PRKCZ: variants seen among roughly 807,000 people sequenced by gnomAD.
PRKCZ encodes the protein protein kinase C zeta type.
A neutral mutation model predicts 79.5 loss-of-function variants in PRKCZ; 33 were observed. The ratio of observed to expected loss-of-function variants is 0.41; its 90% CI spans 0.31 to 0.55. The LOEUF (loss-of-function observed/expected upper bound fraction) is 0.55, where lower values mean the gene tolerates loss of function less well. Ranked by LOEUF, PRKCZ falls within the 20% of genes least tolerant of loss-of-function variation. PRKCZ has a pLI of 0.19. For missense variants in PRKCZ, 578 were observed against 813.5 expected (o/e 0.71, Z 3.52); for synonymous variants, 342 against 320.9 (o/e 1.07, Z -0.70).
intron 4 of PRKCZ, among the ~76,000 whole-genome samples, chr1:2,084,924 G>A (rs1309944187): frequency 6.6e-6 from 1 of 152,090 alleles, no homozygotes; most frequent in African/African-American, 2.4e-5. Flanking sequence ...TGGGAGGATC[G>A]CCTGAGCCCA....
chr1:2,120,892 C>T (rs1176740412), intron 4 of PRKCZ, among the ~76,000 whole-genome samples: 1 of 145,590 alleles, frequency 6.9e-6, no homozygotes, highest in Non-Finnish European at 1.5e-5. Context: ...CGGCTCACTG[C>T]AACCTCCGCC....
chr1:2,074,214 G>A (rs1197781603), intron 4 of PRKCZ: 3 of 1,550,400 alleles, frequency 1.9e-6, no homozygotes, highest in Non-Finnish European at 2.6e-6. Flanking sequence ...ATAAGGCTGT[G>A]GAGGGACCTT....
chr1:2,051,566 G>A (rs573397617), intron 1 of PRKCZ, among the ~76,000 whole-genome samples: 69 of 152,358 alleles, frequency 4.5e-4, no homozygotes, highest in African/African-American at 1.6e-3. Context: ...GCGGGCTCCG[G>A]ACTTGCACTG....
chr1:2,049,157 C>T (rs555826549), upstream of PRKCZ: 1 of 152,364 alleles, frequency 6.6e-6, no homozygotes, highest in Admixed American at 6.5e-5. Context: ...AAGAGCGAAA[C>T]TCCATCTCAA....
intron 4 of PRKCZ, among the ~76,000 whole-genome samples, chr1:2,086,521 G>C (rs759978769): frequency 6.6e-6 from 1 of 152,194 alleles, no homozygotes; most frequent in Non-Finnish European, 1.5e-5. Context: ...ATCAGGTTTT[G>C]TGTGTTGCTC....
At chr1:2,100,903 G>C (rs991911041) in intron 4 of PRKCZ, among the ~76,000 whole-genome samples, 1 of 151,942 alleles carries the variant, frequency 6.6e-6, no homozygotes, top group Non-Finnish European at 1.5e-5. Flanking sequence ...GAGGGAGGCT[G>C]TCCCTATATG....
chr1:2,109,945 A>G (rs1001239385), intron 4 of PRKCZ, among the ~76,000 whole-genome samples: 6 of 152,178 alleles, frequency 3.9e-5, no homozygotes, highest in African/African-American at 1.4e-4. Context: ...TGGGGTGTTG[A>G]GGGAGACGTC....
intron 4 of PRKCZ, among the ~76,000 whole-genome samples, chr1:2,084,133 G>C (rs1201305930): frequency 6.6e-6 from 1 of 152,164 alleles, no homozygotes; most frequent in Non-Finnish European, 1.5e-5. Flanking sequence ...CTAGCTACTC[G>C]GGAGGCTGAG....
intron 4 of PRKCZ, among the ~76,000 whole-genome samples, chr1:2,070,251 A>G (rs1035107873): frequency 1.4e-4 from 21 of 152,002 alleles, no homozygotes; most frequent in African/African-American, 5.1e-4. Flanking sequence ...CCCTGGGGAA[A>G]GGTGTCCTAC....
At position 2,175,218 on chromosome 1, in the gene PRKCZ, C is replaced by T. The variant is rs755039122; in HGVS notation, c.1486-6C>T. On this transcript the variant is annotated splice_region_variant and splice_polypyrimidine_tract_variant and intron_variant, in intron 15 of 17. Transcript: ENST00000378567. ...GACTTGTCCTTGTTTGAACTCTGAC[C>T]TCCAGGACCCCAAAGAGAGGCTCGG... 2.5e-6 allele frequency: 4 copies of T among 1,613,102 alleles called. No homozygotes were observed. The highest frequency in any genetic ancestry group is 1.7e-5 in the Admixed American group (1 of 59,982).
intron 7 of PRKCZ, among the ~76,000 whole-genome samples, chr1:2,146,680 G>T (rs1202407900): frequency 6.6e-6 from 1 of 152,156 alleles, no homozygotes; most frequent in Non-Finnish European, 1.5e-5. Flanking sequence ...CCTCTGCACG[G>T]GGGTGTGAGA....
intron 5 of PRKCZ, among the ~76,000 whole-genome samples, chr1:2,136,860 C>T (rs1160207063): frequency 3.3e-5 from 5 of 152,142 alleles, no homozygotes; most frequent in Non-Finnish European, 5.9e-5. Context: ...ACTTGCTCTC[C>T]GGCAGTCTGG....
At chr1:2,123,424 T>G (rs183816139) in intron 4 of PRKCZ, among the ~76,000 whole-genome samples, 1 of 4,898 alleles carries the variant, frequency 2.0e-4, no homozygotes, top group Non-Finnish European at 2.9e-4. Flanking sequence ...TGGTTAGGGT[T>G]GTGGTGGTTA....
At chr1:2,093,955 G>A (rs1557542262) in intron 4 of PRKCZ, among the ~76,000 whole-genome samples, 1 of 152,130 alleles carries the variant, frequency 6.6e-6, no homozygotes, top group Non-Finnish European at 1.5e-5. Context: ...GGCAGAGGGA[G>A]CCAGGCCAGC....
chr1:2,090,828 T>C (rs1008413454), intron 4 of PRKCZ, among the ~76,000 whole-genome samples: 1 of 152,360 alleles, frequency 6.6e-6, no homozygotes, highest in South Asian at 2.1e-4. Flanking sequence ...GGTTTACTTA[T>C]TTTCAGACTT....
intron 7 of PRKCZ, among the ~76,000 whole-genome samples, chr1:2,146,317 C>G (rs1304002124): frequency 6.6e-6 from 1 of 152,230 alleles, no homozygotes; most frequent in East Asian, 1.9e-4. Context: ...TGAGCTGGCC[C>G]TCCCTGGAGG....
At chr1:2,052,191 C>T (rs1659733396) in intron 1 of PRKCZ, among the ~76,000 whole-genome samples, 1 of 152,144 alleles carries the variant, frequency 6.6e-6, no homozygotes. Flanking sequence ...CTGCAGGGGC[C>T]CAGACCCTCC....
intron 1 of PRKCZ, among the ~76,000 whole-genome samples, chr1:2,052,442 C>T (rs1659763696): frequency 6.6e-6 from 1 of 150,544 alleles, no homozygotes; most frequent in Non-Finnish European, 1.5e-5. Context: ...CTTCCTCCCT[C>T]CTTCCCTGTT....
intron 4 of PRKCZ, among the ~76,000 whole-genome samples, chr1:2,069,907 G>A (rs996861933): frequency 1.3e-5 from 2 of 152,200 alleles, no homozygotes; most frequent in African/African-American, 4.8e-5. Context: ...GTGGTCCCCA[G>A]TCAGGCCCCA....
Sources: allele counts gnomAD v4.1 joint callset (sites outside exome capture counted in the v4.1 genomes callset), GRCh38; gene constraint gnomAD v4.1.1; transcripts MANE v1.5; gene names NCBI Gene and HGNC (gene_info 2026-07-23, HGNC 2026-07-21).